The following PSG5 variants were observed in gnomAD, a reference collection of about 807,000 sequenced individuals.
The protein encoded by PSG5 is pregnancy-specific beta-1-glycoprotein 5.
In PSG5, 53 loss-of-function variants were observed where a neutral mutation model predicts 37.7. That is an observed-to-expected ratio of 1.41 (90% CI 1.13 to 1.77). The LOEUF is 1.77. Ranked by LOEUF, PSG5 falls within the 40% of genes most tolerant of loss-of-function variation. The pLI is 0.00. For missense variants in PSG5, 547 were observed against 405.2 expected (o/e 1.35, Z -3.00); for synonymous variants, 221 against 155.4 (o/e 1.42, Z -3.14).
intron 4 of PSG5, among the ~76,000 whole-genome samples, chr19:43,172,682 G>A (rs1204831394): frequency 1.3e-5 from 2 of 151,534 alleles, no homozygotes; most frequent in East Asian, 3.9e-4. Flanking sequence ...CCAAAGAGGT[G>A]AAATAATTAT....
At chr19:43,170,846 G>C (rs1968891232) in intron 4 of PSG5, 1 of 152,038 alleles carries the variant, frequency 6.6e-6, no homozygotes, top group South Asian at 2.1e-4. Context: ...AAATTATCTT[G>C]TATGTCTAAT....
chr19:43,171,983 C>A (rs201061532), intron 4 of PSG5, among the ~76,000 whole-genome samples: 557 of 104,580 alleles, frequency 5.3e-3, no homozygotes, highest in Middle Eastern at 0.017. Flanking sequence ...TCCCTCTCTT[C>A]AAAAAAAAAA....
At chr19:43,175,627 C>T (rs1352989085) in intron 3 of PSG5, 158 bp from the exon 4 acceptor site, 1 of 1,404,962 alleles carries the variant, frequency 7.1e-7, no homozygotes, top group East Asian at 2.3e-5. Context: ...GAGGTATTCA[C>T]CTGTTTCTCC....
chr19:43,184,372 G>A lies in PSG5; in HGVS notation c.430+410C>T, dbSNP rs1478228741. On this transcript the variant is annotated intron_variant, in intron 2 of 5. Transcript: ENST00000342951. ...GGCTCCTCAGCTTAACTGGAGCAAG[G>A]ATTTAGGGACAGAGGTCTGGGGTTG... 2.0e-5 allele frequency among the ~76,000 whole-genome samples: 3 copies of A among 151,644 alleles called. No individual in the cohort carries two copies. In the East Asian group the frequency reaches 5.8e-4, roughly 29 times the overall value.
At chr19:43,179,258 C>G (rs942950960) in intron 2 of PSG5, 2 of 1,365,710 alleles carry the variant, frequency 1.5e-6, no homozygotes, top group African/African-American at 2.9e-5. Context: ...TCAGCCCACC[C>G]AAGTCCTTAA....
intron 2 of PSG5, chr19:43,179,243 A>G (rs1969077121): frequency 1.4e-6 from 2 of 1,417,090 alleles, no homozygotes; most frequent in Non-Finnish European, 9.7e-7. Flanking sequence ...GGCATTTCCC[A>G]CCTGTCAGCC....
intron 4 of PSG5, among the ~76,000 whole-genome samples, chr19:43,171,927 A>C (rs1390608331): frequency 6.7e-6 from 1 of 149,534 alleles, no homozygotes; most frequent in Admixed American, 6.7e-5. Flanking sequence ...AGCCATAATC[A>C]CACCACTGTA....
At chr19:43,171,990 A>T (rs1187740953) in intron 4 of PSG5, among the ~76,000 whole-genome samples, 3 of 150,394 alleles carry the variant, frequency 2.0e-5, no homozygotes, top group Non-Finnish European at 4.4e-5. Flanking sequence ...CTTCAAAAAA[A>T]AAAAAAAAGA....
chr19:43,168,544 T>C (rs1320846747), intron 5 of PSG5, among the ~76,000 whole-genome samples: 4 of 151,448 alleles, frequency 2.6e-5, no homozygotes, highest in Middle Eastern at 3.4e-3. Context: ...AATTTTGTTT[T>C]TGCATTTTTA....
In PSG5 at chr19:43,175,147, A is replaced by C. The variant is rs1406296404; in HGVS notation, c.964+68T>G. The C allele has an allele frequency of 1.4e-5, 23 of 1,610,674 alleles. 1 individual carries two copies. Among genetic ancestry groups the C allele is most frequent in the Non-Finnish European group, 2.0e-5 (23 of 1,178,728 alleles). On this transcript the variant is annotated intron_variant, in intron 4 of 5. Transcript: ENST00000342951. ...GGCTGGGAATAAAAATGTTTTCCTAACTCTTCTCTGAAAGCCAGGTAGACT... is the reference window on the plus strand; with the variant it reads ...GGCTGGGAATAAAAATGTTTTCCTACCTCTTCTCTGAAAGCCAGGTAGACT...
At chr19:43,175,148 C>T in intron 4 of PSG5, 67 bp downstream of exon 4, 1 of 1,610,866 alleles carries the variant, frequency 6.2e-7, no homozygotes, top group South Asian at 1.1e-5. Flanking sequence ...GTTTTCCTAA[C>T]TCTTCTCTGA....
At position 43,186,455 on chromosome 19, in the gene PSG5, G is replaced by T; in HGVS notation, c.-50C>A. The T allele has an allele frequency of 6.2e-7, 1 of 1,608,620 alleles. No individual in the cohort carries two copies. Among genetic ancestry groups the T allele is most frequent in the South Asian group, 1.1e-5 (1 of 90,860 alleles). On this transcript the variant is annotated 5_prime_UTR_variant, in exon 1 of 6. In the 5' UTR this introduces an upstream ATG that the reference lacks. Transcript: ENST00000342951. The stretch of plus-strand genomic sequence containing the variant: ...TCTGTGGAGCTGAGCCTAGGATCCA[G>T]AAACTTCCTGAGCACGGCTGTAGGC...
intron 2 of PSG5, among the ~76,000 whole-genome samples, chr19:43,184,038 G>T (rs966104920): frequency 1.3e-5 from 2 of 151,666 alleles, no homozygotes; most frequent in Non-Finnish European, 2.9e-5. Flanking sequence ...GCACCTTTAC[G>T]TCAGATCCCT....
intron 2 of PSG5, among the ~76,000 whole-genome samples, chr19:43,176,762 T>A (rs554161429): frequency 6.6e-6 from 1 of 150,708 alleles, no homozygotes; most frequent in African/African-American, 2.5e-5. Flanking sequence ...AGGTGTTTCA[T>A]GATGACTTAC....
intron 2 of PSG5, among the ~76,000 whole-genome samples, chr19:43,181,799 C>CT: frequency 6.6e-6 from 1 of 151,802 alleles, no homozygotes; most frequent in Non-Finnish European, 1.5e-5. Flanking sequence ...GTTTGTTCAA[C>CT]TTTTTACTTA....
At chr19:43,172,161 T>G (rs750404318) in intron 4 of PSG5, among the ~76,000 whole-genome samples, 2 of 151,438 alleles carry the variant, frequency 1.3e-5, no homozygotes, top group African/African-American at 2.4e-5. Context: ...TAATCAGTAA[T>G]AAGATTGAAT....
rs533552982 is a variant in PSG5, at chr19:43,177,396, A to G, written c.431-1248T>C. ...ATATTTGTCATATACTTACTGGTTTAGCATCCCAAATCTGAAAGATTCAAA... is the reference window on the plus strand; with the variant it reads ...ATATTTGTCATATACTTACTGGTTTGGCATCCCAAATCTGAAAGATTCAAA... On this transcript the variant is annotated intron_variant, in intron 2 of 5. Transcript: ENST00000342951. Among the ~76,000 whole-genome samples the G allele has an allele frequency of 5.6e-4, 85 of 151,716 alleles. 4 individuals are homozygous for G. Among genetic ancestry groups the G allele is most frequent in the African/African-American group, 1.9e-3 (79 of 41,232 alleles).
chr19:43,169,886 G>A (rs1028499719), intron 5 of PSG5, 169 bp downstream of exon 5: 5 of 441,518 alleles, frequency 1.1e-5, no homozygotes, highest in Admixed American at 6.7e-5. Context: ...GGTACAGGGA[G>A]CATAAAGGCC....
At chr19:43,176,266 G>T in intron 2 of PSG5, 118 bp from the exon 3 acceptor site, 8 of 1,489,570 alleles carry the variant, frequency 5.4e-6, no homozygotes, top group Non-Finnish European at 7.3e-6. Context: ...TTGAAAGCCA[G>T]TAGCTGATGC....
Sources: gnomAD v4.1 joint callset for allele counts (sites outside exome capture counted in the v4.1 genomes callset) on GRCh38, gnomAD v4.1.1 for gene constraint, MANE v1.5 for transcripts, NCBI Gene and HGNC (gene_info 2026-07-23, HGNC 2026-07-21) for gene names.